Variants in S100A3 observed in about 807,000 individuals in gnomAD.
S100A3 encodes the protein S100 calcium binding protein A3.
A neutral mutation model predicts 8.0 loss-of-function variants in S100A3; 11 were observed. The observed-to-expected ratio is 1.37, with a 90% CI of 0.86 to 2.27. The LOEUF (loss-of-function observed/expected upper bound fraction) is 2.27, where lower values mean the gene tolerates loss of function less well. S100A3 is among the 30% of genes most tolerant of loss of function. The pLI is 0.00. For missense variants in S100A3, 124 were observed against 127.1 expected, an observed-to-expected ratio of 0.98 and a Z score of 0.12; for synonymous variants, 43 against 49.6, an observed-to-expected ratio of 0.87 and a Z score of 0.56.
intron 1 of S100A3, chr1:153,548,962 C>G (rs1450702325): frequency 1.3e-5 from 2 of 156,434 alleles, no homozygotes; most frequent in Non-Finnish European, 2.8e-5. Flanking sequence ...CTTGGAGAAG[C>G]TAGGCCTTAG....
intron 1 of S100A3, 89 bp from the exon 2 acceptor site, chr1:153,548,579 C>T (rs1015844230): frequency 6.7e-7 from 1 of 1,486,286 alleles, no homozygotes; most frequent in Non-Finnish European, 8.9e-7. Context: ...AGAGACTGTT[C>T]CCAGACCCAT....
chr1:153,548,680 T>G (rs978163039), intron 1 of S100A3, among the ~76,000 whole-genome samples, 190 bp from the exon 2 acceptor site: 3 of 152,004 alleles, frequency 2.0e-5, no homozygotes, highest in African/African-American at 7.3e-5. Flanking sequence ...TTTATCCCCC[T>G]GCTGTCCTGT....
chr1:153,548,460 A>G lies in S100A3; in HGVS notation c.26T>C (p.Val9Ala), dbSNP rs746718320. Residue 9 changes from valine (V) to alanine (A), a missense_variant, in exon 2 of 3, where the codon GTA becomes GCA. By Grantham distance (64) the Val-to-Ala change is moderately conservative (BLOSUM62 0). Transcript: ENST00000368713. MARPLEQA[V>A]AAIVCTFQEY... ...CTGGAAGGTGCACACGATGGCAGCT[A>G]CCGCCTGCTCCAGAGGCCTGGCCAT... 6.2e-7 allele frequency: 1 copy of G among 1,604,666 alleles called. No homozygotes were observed. The highest frequency in any genetic ancestry group is 1.1e-5 in the South Asian group (1 of 90,410).
Position 153,547,886 on chromosome 1 carries a change from T to C in S100A3, c.142-40A>G. 6.3e-7 allele frequency: 1 copy of C among 1,591,020 alleles called. No individual in the cohort carries two copies. Among genetic ancestry groups the C allele is most frequent in the Non-Finnish European group, 8.6e-7 (1 of 1,163,848 alleles). ...GGTTGGGAGAGGTAAGGGAGTAGGA[T>C]GAGGAGGGCAGAACAGCCTCACACG... On this transcript the variant is annotated intron_variant, in intron 2 of 2. Transcript: ENST00000368713. The surrounding 1 kb of genome is among the most constrained non-coding windows in gnomAD (Gnocchi z 4.0).
Position 153,549,257 on chromosome 1 carries a change from C to T in S100A3, c.-82G>A, listed in dbSNP as rs1665663857. 1 of 152,372 alleles carries T rather than the reference C, an allele frequency of 6.6e-6. No individual in the cohort carries two copies. Among genetic ancestry groups the T allele is most frequent in the Non-Finnish European group, 1.5e-5 (1 of 68,164 alleles). The allele number at this position is 152,372 out of a possible 1,614,324, so 9.4% of individuals were successfully genotyped here. ...AGTTCGGGTGTTTACCAATCTGAGACTGGCCTCCCCTGAGGTTACCCTCCC... is the reference window on the plus strand; with the variant it reads ...AGTTCGGGTGTTTACCAATCTGAGATTGGCCTCCCCTGAGGTTACCCTCCC... On this transcript the variant is annotated 5_prime_UTR_variant, in exon 1 of 3. Transcript: ENST00000368713.
Position 153,547,665 on chromosome 1 carries a change from AC to A in S100A3, c.*16del, listed in dbSNP as rs764706583. Reference sequence around the variant, plus strand: ...ATGCCCAGCCCCCGACAGCCAGCGCACCCCCTGGAGCAGAGGCTACTGGGAG... The same window carrying A: ...ATGCCCAGCCCCCGACAGCCAGCGCACCCCTGGAGCAGAGGCTACTGGGAG... On this transcript the variant is annotated 3_prime_UTR_variant, in exon 3 of 3. Transcript: ENST00000368713. This position sits in a 1 kb window ranked among gnomAD's most constrained non-coding sequence, Gnocchi z 4.0. 6.2e-7 allele frequency: 1 copy of A among 1,610,410 alleles called. No individual in the cohort carries two copies. Among genetic ancestry groups the A allele is most frequent in the South Asian group, 1.1e-5 (1 of 90,786 alleles).
Position 153,548,496 on chromosome 1 carries a change from A to G in S100A3, c.-5-6T>C. Reference sequence around the variant, plus strand: ...CAGAGGCCTGGCCATCCTCACTGTCACAGAACAAGGGTGTGGCTCACAGCA... The same window carrying G: ...CAGAGGCCTGGCCATCCTCACTGTCGCAGAACAAGGGTGTGGCTCACAGCA... On this transcript the variant is annotated splice_region_variant and splice_polypyrimidine_tract_variant and intron_variant, in intron 1 of 2. Coordinates refer to ENST00000368713, the MANE Select transcript of S100A3 (RefSeq NM_002960.2). 6.3e-7 allele frequency: 1 copy of G among 1,577,818 alleles called. No homozygotes were observed. The highest frequency in any genetic ancestry group is 8.6e-7 in the Non-Finnish European group (1 of 1,159,016).
At position 153,547,631 on chromosome 1, in the gene S100A3, G is replaced by A. The variant is rs748345933; in HGVS notation, c.*51C>T. 1.3e-6 allele frequency: 2 copies of A among 1,592,450 alleles called. No individual in the cohort carries two copies. The highest frequency in any genetic ancestry group is 2.7e-5 in the African/African-American group (2 of 74,540). ...TACAGGAGAGAGGGTAGGAGGGGGT[G>A]TGGGAGACATGCCCAGCCCCCGACA... On this transcript the variant is annotated 3_prime_UTR_variant, in exon 3 of 3. Coordinates refer to ENST00000368713, the MANE Select transcript of S100A3 (RefSeq NM_002960.2). The surrounding 1 kb of genome is among the most constrained non-coding windows in gnomAD (Gnocchi z 4.0).
Position 153,548,532 on chromosome 1 carries a change from C to A in S100A3, c.-5-42G>T, listed in dbSNP as rs780061937. The A allele has an allele frequency of 1.4e-5, 22 of 1,535,030 alleles. No homozygotes were observed. In the Middle Eastern group the frequency reaches 5.3e-4, roughly 37 times the overall value. Reference sequence around the variant, plus strand: ...GTGTGGCTCACAGCAGAGTTCCAGGCCAGCCCCCCAGCTCACCTCTGCCCT... The same window carrying A: ...GTGTGGCTCACAGCAGAGTTCCAGGACAGCCCCCCAGCTCACCTCTGCCCT... On this transcript the variant is annotated intron_variant, in intron 1 of 2. Coordinates refer to ENST00000368713, the MANE Select transcript of S100A3 (RefSeq NM_002960.2).
At chr1:153,548,522 G>C (rs750378042) in intron 1 of S100A3, 32 bp from the exon 2 acceptor site, 4 of 1,546,764 alleles carry the variant, frequency 2.6e-6, no homozygotes, top group Non-Finnish European at 3.5e-6. Context: ...GCTCACAGCA[G>C]AGTTCCAGGC....
In S100A3 at chr1:153,548,510, T is replaced by C; in HGVS notation, c.-5-20A>G. On this transcript the variant is annotated intron_variant, in intron 1 of 2. Coordinates refer to ENST00000368713, the MANE Select transcript of S100A3 (RefSeq NM_002960.2). The stretch of plus-strand genomic sequence containing the variant: ...TCCTCACTGTCACAGAACAAGGGTG[T>C]GGCTCACAGCAGAGTTCCAGGCCAG... 1 of 1,559,422 alleles carries C rather than the reference T, an allele frequency of 6.4e-7. No individual in the cohort carries two copies. Among genetic ancestry groups the C allele is most frequent in the Non-Finnish European group, 8.7e-7 (1 of 1,149,348 alleles).
intron 1 of S100A3, among the ~76,000 whole-genome samples, chr1:153,548,783 C>T (rs1665648052): frequency 6.6e-6 from 1 of 152,196 alleles, no homozygotes; most frequent in South Asian, 2.1e-4. Context: ...CACACCCCAC[C>T]GTGGGGCTCC....
In S100A3 at chr1:153,547,545, C is replaced by G; in HGVS notation, c.*137G>C. Reference sequence around the variant, plus strand: ...GGAAGGAGCCCTCACATCTCTGGGCCTCCTAGGTAAAATGGGTTAACTGAT... The same window carrying G: ...GGAAGGAGCCCTCACATCTCTGGGCGTCCTAGGTAAAATGGGTTAACTGAT... On this transcript the variant is annotated 3_prime_UTR_variant, in exon 3 of 3. Coordinates refer to ENST00000368713, the MANE Select transcript of S100A3 (RefSeq NM_002960.2). This position sits in a 1 kb window ranked among gnomAD's most constrained non-coding sequence, Gnocchi z 4.0. 9.8e-7 allele frequency: 1 copy of G among 1,019,618 alleles called. No individual in the cohort carries two copies. The highest frequency in any genetic ancestry group is 1.4e-6 in the Non-Finnish European group (1 of 711,102). The allele number at this position is 1,019,618 out of a possible 1,614,324, so 63.2% of individuals were successfully genotyped here. A position where few individuals can be genotyped will look rare whatever the true frequency, so the allele number is the denominator to read the frequency against.
rs756696245 is a variant in S100A3 at position 153,547,833 on chromosome 1, T to C, written c.155A>G (p.Glu52Gly). 6 of 1,613,764 alleles carry C rather than the reference T, an allele frequency of 3.7e-6. No homozygotes were observed. Among genetic ancestry groups the C allele is most frequent in the Non-Finnish European group, 5.1e-6 (6 of 1,179,804 alleles). The change falls in exon 3 of 3, where the codon GAA becomes GGA. Residue 52 changes from glutamate to glycine, a missense_variant. By Grantham distance (98) the Glu-to-Gly change is moderately conservative (BLOSUM62 -2). Coordinates refer to ENST00000368713, the MANE Select transcript of S100A3 (RefSeq NM_002960.2). This position sits in a 1 kb window ranked among gnomAD's most constrained non-coding sequence, Gnocchi z 4.0. The stretch of plus-strand genomic sequence containing the variant: ...ACTCATGAATTTGTTGTAGTCACAT[T>C]CCCGAAACTCAGTCTGTGCAAGGGA... ...LATWTPTEFR[E>G]CDYNKFMSVL...
In S100A3 at chr1:153,547,494, T is replaced by C. The variant is rs925725001; in HGVS notation, c.*188A>G. On this transcript the variant is annotated 3_prime_UTR_variant, in exon 3 of 3. Coordinates refer to ENST00000368713, the MANE Select transcript of S100A3 (RefSeq NM_002960.2). The surrounding 1 kb of genome is among the most constrained non-coding windows in gnomAD (Gnocchi z 4.0). ...GGCAGGCTGGGCCCCAGAGTGGCTC[T>C]ACCCCTCATTCGCTGGGCATCCTGA... The C allele has an allele frequency of 8.6e-5, 57 of 660,546 alleles. No individual in the cohort carries two copies. The African/African-American group carries it at 9.9e-4, about 11-fold the overall frequency. 40.9% of individuals were successfully genotyped at this position (660,546 alleles called of 1,614,324 possible).
chr1:153,548,502 C>T lies in S100A3; in HGVS notation c.-5-12G>A. 1 of 1,568,836 alleles carries T rather than the reference C, an allele frequency of 6.4e-7. No homozygotes were observed. The highest frequency in any genetic ancestry group is 1.3e-5 in the African/African-American group (1 of 74,266). On this transcript the variant is annotated splice_polypyrimidine_tract_variant and intron_variant, in intron 1 of 2. Coordinates refer to ENST00000368713, the MANE Select transcript of S100A3 (RefSeq NM_002960.2). ...CCTGGCCATCCTCACTGTCACAGAA[C>T]AAGGGTGTGGCTCACAGCAGAGTTC...
chr1:153,547,943 C>A lies in S100A3; in HGVS notation c.142-97G>T. The stretch of plus-strand genomic sequence containing the variant: ...CCCTCCTTCCTCTCCCAAGTGGACC[C>A]ACCCCACCCCAAACTACACCCTTCT... On this transcript the variant is annotated intron_variant, in intron 2 of 2. Transcript: ENST00000368713. The surrounding 1 kb of genome is among the most constrained non-coding windows in gnomAD (Gnocchi z 4.0). 1 of 1,317,788 alleles carries A rather than the reference C, an allele frequency of 7.6e-7. No homozygotes were observed. Among genetic ancestry groups the A allele is most frequent in the Non-Finnish European group, 1.1e-6 (1 of 939,556 alleles). The allele number at this position is 1,317,788 out of a possible 1,614,324, so 81.6% of individuals were successfully genotyped here. A position where few individuals can be genotyped will look rare whatever the true frequency, so the allele number is the denominator to read the frequency against.
At chr1:153,548,619 A>G in intron 1 of S100A3, 129 bp from the exon 2 acceptor site, 2 of 1,224,890 alleles carry the variant, frequency 1.6e-6, no homozygotes, top group Non-Finnish European at 2.2e-6. Context: ...CAGGCCCCGC[A>G]GTCTCCCCCT....
chr1:153,548,640 G>T, intron 1 of S100A3, 150 bp from the exon 2 acceptor site: 1 of 999,424 alleles, frequency 1.0e-6, no homozygotes, highest in Non-Finnish European at 1.4e-6. Flanking sequence ...CCTCTGAGTA[G>T]CCCTCCCAGA....
Sources: gnomAD v4.1 joint callset for allele counts (sites outside exome capture counted in the v4.1 genomes callset) on GRCh38, gnomAD v4.1.1 for gene constraint, Gnocchi (gnomAD v3.1) non-coding constraint, MANE v1.5 for transcripts, NCBI Gene and HGNC (gene_info 2026-07-23, HGNC 2026-07-21) for gene names.